ZNF169: variants seen among roughly 807,000 people sequenced by gnomAD.
ZNF169 encodes zinc finger protein 169.
A neutral mutation model predicts 12.0 loss-of-function variants in ZNF169; 11 were observed. The ratio of observed to expected loss-of-function variants is 0.92; its 90% CI spans 0.58 to 1.52. The LOEUF is 1.52. Among genes scored for constraint, ZNF169 ranks in the 40% most tolerant of loss-of-function variants. The pLI is 0.00. For missense variants in ZNF169, 722 were observed against 744.0 expected (o/e 0.97, Z 0.34); for synonymous variants, 302 against 286.5 (o/e 1.05, Z -0.55).
intron 1 of ZNF169, among the ~76,000 whole-genome samples, chr9:94,274,264 G>A (rs10993139): frequency 0.071 from 10,782 of 152,202 alleles, 812 homozygotes; most frequent in East Asian, 0.3. Context: ...CTAGGGGTTA[G>A]GATGTCAACA....
intron 4 of ZNF169, chr9:94,293,897 TA>T (rs1830898277): frequency 6.6e-6 from 1 of 152,240 alleles, no homozygotes; most frequent in Non-Finnish European, 1.5e-5. Flanking sequence ...TAAAACCAGG[TA>T]ATAGCCCCAT....
At position 94,271,390 on chromosome 9, in the gene ZNF169, C is replaced by T; in HGVS notation, c.-55-7368C>T. 1.3e-5 allele frequency among the ~76,000 whole-genome samples: 2 copies of T among 151,884 alleles called. 1 individual carries two copies. The highest frequency in any genetic ancestry group is 2.9e-5 in the Non-Finnish European group (2 of 67,992). On this transcript the variant is annotated intron_variant, in intron 1 of 4. Transcript: ENST00000395395. ...GGGACTGCAGGAGTGGTCCAGGGCA[C>T]CTTTCATTTTGTTAATGCAAGTAAT...
chr9:94,274,487 T>C (rs1194539284), intron 1 of ZNF169, among the ~76,000 whole-genome samples: 1 of 152,218 alleles, frequency 6.6e-6, no homozygotes, highest in Non-Finnish European at 1.5e-5. Flanking sequence ...CTTATTGTTA[T>C]TGATTTCTGC....
rs1383237132 is a variant in ZNF169, at chr9:94,298,722, C to CT, written c.257-1092dup. On this transcript the variant is annotated intron_variant, in intron 4 of 4. Transcript: ENST00000395395. ...CCAGCCTGGGCAACAGAGCGAGACT[C>CT]TGTCTCAAAAAAAAAAAAAAAAAAA... 3.2e-5 allele frequency among the ~76,000 whole-genome samples: 3 copies of CT among 92,534 alleles called. No homozygotes were observed. The East Asian group carries it at 7.5e-4, about 23-fold the overall frequency. The allele number at this position is 92,534 out of a possible 152,430, so 60.7% of individuals were successfully genotyped here.
chr9:94,271,361 T>G (rs1830418178), intron 1 of ZNF169, among the ~76,000 whole-genome samples: 2 of 151,896 alleles, frequency 1.3e-5, no homozygotes, highest in Non-Finnish European at 2.9e-5. Context: ...TTCCCCAAAG[T>G]GCTGGGACTG....
chr9:94,288,418 C>T, intron 2 of ZNF169: 1 of 1,264,782 alleles, frequency 7.9e-7, no homozygotes, highest in Non-Finnish European at 1.1e-6. Flanking sequence ...GTTGGCTGAG[C>T]CTGAGCTTGT....
At chr9:94,280,197 G>A (rs548283891) in intron 2 of ZNF169, among the ~76,000 whole-genome samples, 2 of 152,334 alleles carry the variant, frequency 1.3e-5, no homozygotes, top group Admixed American at 6.5e-5. Context: ...TTATGAGAAC[G>A]TCACTGAGAG....
chr9:94,296,196 CT>C (rs1324324764), intron 4 of ZNF169, among the ~76,000 whole-genome samples: 1 of 152,194 alleles, frequency 6.6e-6, no homozygotes, highest in African/African-American at 2.4e-5. Context: ...GTTTTCACAT[CT>C]TTTGCCCATT....
intron 1 of ZNF169, among the ~76,000 whole-genome samples, chr9:94,261,100 G>A (rs112870775): frequency 3.3e-5 from 5 of 151,534 alleles, no homozygotes; most frequent in Admixed American, 6.6e-5. Flanking sequence ...GGGGTGGCGC[G>A]GCGCGATCTC....
At chr9:94,263,386 A>G (rs1830238200) in intron 1 of ZNF169, among the ~76,000 whole-genome samples, 1 of 152,206 alleles carries the variant, frequency 6.6e-6, no homozygotes, top group African/African-American at 2.4e-5. Flanking sequence ...TTTATCTGAT[A>G]GTAATATAGC....
At chr9:94,272,440 T>C (rs1017304071) in intron 1 of ZNF169, among the ~76,000 whole-genome samples, 6 of 152,182 alleles carry the variant, frequency 3.9e-5, no homozygotes, top group Admixed American at 3.9e-4. Context: ...AGCAGCTCAT[T>C]CTTTTCCTCT....
At chr9:94,263,221 C>T (rs1166502323) in intron 1 of ZNF169, among the ~76,000 whole-genome samples, 1 of 152,092 alleles carries the variant, frequency 6.6e-6, no homozygotes, top group African/African-American at 2.4e-5. Context: ...ATTTCTCCAT[C>T]GAGTTCTGTC....
At position 94,301,265 on chromosome 9, in the gene ZNF169, G is replaced by C. The variant is rs61744809; in HGVS notation, c.1707G>C (p.Pro569=). Residue 569 remains proline (P), a synonymous_variant, in exon 5 of 5, where the codon CCG becomes CCC. Transcript: ENST00000395395. The part of the protein sequence containing the change: ...RHQRTHSGEK[P]YVCRECGRGF... The stretch of plus-strand genomic sequence containing the variant: ...AGCGGACCCATTCTGGGGAGAAGCC[G>C]TATGTCTGCAGGGAGTGTGGGCGTG... 3 of 1,610,810 alleles carry C rather than the reference G, an allele frequency of 1.9e-6. No individual in the cohort carries two copies. Among genetic ancestry groups the C allele is most frequent in the Admixed American group, 1.7e-5 (1 of 59,562 alleles).
intron 2 of ZNF169, among the ~76,000 whole-genome samples, chr9:94,282,537 A>G (rs1176963454): frequency 6.6e-6 from 1 of 152,142 alleles, no homozygotes; most frequent in African/African-American, 2.4e-5. Flanking sequence ...AGCCTCTCCA[A>G]AGGAGGCAAA....
intron 1 of ZNF169, among the ~76,000 whole-genome samples, chr9:94,262,262 T>G (rs1296363754): frequency 1.3e-5 from 2 of 152,116 alleles, no homozygotes; most frequent in Non-Finnish European, 2.9e-5. Context: ...TGACTGACTT[T>G]GAGGGTATCA....
At chr9:94,273,614 C>G (rs1341113766) in intron 1 of ZNF169, among the ~76,000 whole-genome samples, 3 of 124,408 alleles carry the variant, frequency 2.4e-5, no homozygotes, top group African/African-American at 8.9e-5. Flanking sequence ...GAGTCTTGCT[C>G]TGTCGCCCAG....
rs1328275929 is a variant in ZNF169, at chr9:94,301,577, G to A, written c.*207G>A. On this transcript the variant is annotated 3_prime_UTR_variant, in exon 5 of 5. Transcript: ENST00000395395. ...CCCCAGGCTGGGTGATTTTGACAAC[G>A]GAAATATATTTTCATATTTATGGAG... 18 of 899,482 alleles carry A rather than the reference G, an allele frequency of 2.0e-5. 3 individuals carry two copies. The South Asian group carries it at 2.5e-4, about 13-fold the overall frequency. The allele number at this position is 899,482 out of a possible 1,614,324, so 55.7% of individuals were successfully genotyped here. A position where few individuals can be genotyped will look rare whatever the true frequency, so the allele number is the denominator to read the frequency against.
Position 94,299,885 on chromosome 9 carries a change from A to G in ZNF169, c.327A>G (p.Gln109=), listed in dbSNP as rs772809987. Residue 109 remains glutamine, a synonymous_variant, in exon 5 of 5, where the codon CAA becomes CAG. Transcript: ENST00000395395. ...TTTCTAGCTCGCAGCTCCTCAGACA[A>G]TATGCGCTAAGTGGCCATCCCACAC... The part of the protein sequence containing the change: ...VAFSSSQLLR[Q]YALSGHPTQI... 4 of 1,614,102 alleles carry G rather than the reference A, an allele frequency of 2.5e-6. No homozygotes were observed. In the South Asian group the frequency reaches 3.3e-5, roughly 13 times the overall value.
At position 94,274,078 on chromosome 9, in the gene ZNF169, G is replaced by A. The variant is rs1248832308; in HGVS notation, c.-55-4680G>A. On this transcript the variant is annotated intron_variant, in intron 1 of 4. Transcript: ENST00000395395. ...AGGCCTTTCTCCTTGGCTTATAGCTGGTCATCTCCTCCCTGTGTCTTCACA... is the reference window on the plus strand; with the variant it reads ...AGGCCTTTCTCCTTGGCTTATAGCTAGTCATCTCCTCCCTGTGTCTTCACA... 2.0e-5 allele frequency among the ~76,000 whole-genome samples: 3 copies of A among 152,248 alleles called. No homozygotes were observed. In the East Asian group the frequency reaches 5.8e-4, roughly 29 times the overall value.
Sources: gnomAD v4.1 joint callset for allele counts (sites outside exome capture counted in the v4.1 genomes callset) on GRCh38, gnomAD v4.1.1 for gene constraint, MANE v1.5 for transcripts, NCBI Gene and HGNC (gene_info 2026-07-23, HGNC 2026-07-21) for gene names.